The following CNTN2 variants were observed in gnomAD, a reference collection of about 807,000 sequenced individuals.
CNTN2 encodes the protein contactin 2.
Under a neutral mutation model 117.5 loss-of-function variants are expected in CNTN2, and 53 were observed. The ratio of observed to expected loss-of-function variants is 0.45; its 90% confidence interval spans 0.36 to 0.57. The LOEUF is 0.57. CNTN2 is among the 20% of genes least tolerant of loss of function. The pLI, the probability that CNTN2 is intolerant of heterozygous loss-of-function variation, is 0.00. For synonymous variants in CNTN2, 530 were observed against 561.7 expected (o/e 0.94, Z 0.80); for missense variants, 1,106 against 1,404.3 (o/e 0.79, Z 3.39).
intron 10 of CNTN2, among the ~76,000 whole-genome samples, 196 bp from the exon 11 acceptor site, chr1:205,064,126 A>AGGGGGGGGTGGGGGGGGGGGGG (rs11329962): frequency 1.1e-5 from 1 of 94,348 alleles, no homozygotes; most frequent in Non-Finnish European, 2.5e-5. Flanking sequence ...TGAGGGGCGG[A>AGGGGGGGGTGGGGGGGGGGGGG]GGGGGGGCGC....
In CNTN2 at chr1:205,048,273, A is replaced by G. The variant is rs2096445204; in HGVS notation, c.-86-4827A>G. 3.3e-5 allele frequency among the ~76,000 whole-genome samples: 5 copies of G among 152,086 alleles called. No individual in the cohort carries two copies. In the South Asian group the frequency reaches 1.0e-3, roughly 31 times the overall value. ...GGGAGAACTCTGGGGTGGAGGGTGT[A>G]CCTTTTATTTTTTGACTGGCTCCAT... On this transcript the variant is annotated intron_variant, in intron 1 of 22. Transcript: ENST00000331830. The surrounding 1 kb of genome is among the most constrained non-coding windows in gnomAD (Gnocchi z 4.1).
At chr1:205,044,799 A>T (rs991463502) in intron 1 of CNTN2, among the ~76,000 whole-genome samples, 3 of 152,188 alleles carry the variant, frequency 2.0e-5, no homozygotes, top group Admixed American at 6.5e-5. Flanking sequence ...GCACCTGGAC[A>T]GGGAGATGGC....
intron 1 of CNTN2, among the ~76,000 whole-genome samples, chr1:205,049,388 CACATATATACATAT>C (rs1243949355): frequency 6.6e-6 from 1 of 151,586 alleles, no homozygotes; most frequent in African/African-American, 2.4e-5. Flanking sequence ...CATACATATA[CACATATATACATAT>C]ACATATATGT....
In CNTN2 at chr1:205,043,278, AG is replaced by A. The variant is rs1215516374; in HGVS notation, c.-201del. The stretch of plus-strand genomic sequence containing the variant: ...GCCGCACCCGGACAGCGAGCGGCTG[AG>A]GCCGCCAGGGCCCAAAGGACAGCGG... On this transcript the variant is annotated 5_prime_UTR_variant, in exon 1 of 23. Coordinates refer to ENST00000331830, the MANE Select transcript of CNTN2 (RefSeq NM_005076.5). The A allele has an allele frequency of 6.6e-6, 1 of 152,614 alleles. No homozygotes were observed. Among genetic ancestry groups the A allele is most frequent in the Non-Finnish European group, 1.5e-5 (1 of 68,190 alleles). The allele number at this position is 152,614 out of a possible 1,614,324, so 9.5% of individuals were successfully genotyped here. A position where few individuals can be genotyped will look rare whatever the true frequency, so the allele number is the denominator to read the frequency against.
In CNTN2 at chr1:205,058,013, G is replaced by T; in HGVS notation, c.163G>T (p.Glu55Ter). Reference protein sequence around the residue: ...SVLFPEESTEEQVLLACRARA... With the variant: ...SVLFPEESTE ...GCTATTCCCAGAGGAGTCCACGGAG[G>T]AGCAGGTGTTGCTGGCATGCCGCGC... Residue 55 changes from glutamate (E) to a stop codon, truncating the protein, a stop_gained, in exon 3 of 23, where the codon GAG becomes TAG. Transcript: ENST00000331830. LOFTEE classifies it high-confidence loss of function. This position sits in a 1 kb window ranked among gnomAD's most constrained non-coding sequence, Gnocchi z 4.3. The T allele has an allele frequency of 1.9e-6, 3 of 1,614,098 alleles. No homozygotes were observed. Among genetic ancestry groups the T allele is most frequent in the Non-Finnish European group, 2.5e-6 (3 of 1,180,018 alleles).
chr1:205,065,378 C>A lies in CNTN2; in HGVS notation c.1695+116C>A. The A allele has an allele frequency of 9.3e-7, 1 of 1,069,802 alleles. No homozygotes were observed. The highest frequency in any genetic ancestry group is 1.4e-6 in the Non-Finnish European group (1 of 734,832). 66.3% of individuals were successfully genotyped at this position (1,069,802 alleles called of 1,614,324 possible). A position where few individuals can be genotyped will look rare whatever the true frequency, so the allele number is the denominator to read the frequency against. On this transcript the variant is annotated intron_variant, in intron 13 of 22. Coordinates refer to ENST00000331830, the MANE Select transcript of CNTN2 (RefSeq NM_005076.5). This position sits in a 1 kb window ranked among gnomAD's most constrained non-coding sequence, Gnocchi z 4.1. ...AACCCATAGCCTAAGCGCCCCCATTCCCTCAGGCCCACACATGGCAAGCTC... is the reference window on the plus strand; with the variant it reads ...AACCCATAGCCTAAGCGCCCCCATTACCTCAGGCCCACACATGGCAAGCTC...
chr1:205,050,985 A>G (rs1271548576), intron 1 of CNTN2, among the ~76,000 whole-genome samples: 1 of 152,182 alleles, frequency 6.6e-6, no homozygotes, highest in Non-Finnish European at 1.5e-5. Flanking sequence ...TATTAAATGG[A>G]GTTTCAACTT....
rs963768133 is a variant in CNTN2 at position 205,074,879 on chromosome 1, G to C, written c.*1114G>C. On this transcript the variant is annotated 3_prime_UTR_variant, in exon 23 of 23. Transcript: ENST00000331830. ...AGGTATACCTAGGACCACCTGGCCA[G>C]ATCCGCTCCCAGACGGCCTTGGACT... 2.5e-6 allele frequency: 1 copy of C among 398,548 alleles called. No homozygotes were observed. Among genetic ancestry groups the C allele is most frequent in the African/African-American group, 2.1e-5 (1 of 48,624 alleles). The allele number at this position is 398,548 out of a possible 1,614,324, so 24.7% of individuals were successfully genotyped here. A position where few individuals can be genotyped will look rare whatever the true frequency, so the allele number is the denominator to read the frequency against.
chr1:205,056,369 C>T (rs1025052597), intron 2 of CNTN2, among the ~76,000 whole-genome samples: 3 of 137,916 alleles, frequency 2.2e-5, no homozygotes, highest in African/African-American at 5.7e-5. Flanking sequence ...ACTTTCCAGC[C>T]GAGATGATGC....
In CNTN2 at chr1:205,053,111, G is replaced by T; in HGVS notation, c.-75G>T. 8.4e-7 allele frequency: 1 copy of T among 1,191,842 alleles called. No individual in the cohort carries two copies. Among genetic ancestry groups the T allele is most frequent in the Non-Finnish European group, 1.2e-6 (1 of 852,734 alleles). 73.8% of individuals were successfully genotyped at this position (1,191,842 alleles called of 1,614,324 possible). Reference sequence around the variant, plus strand: ...GTCTGCCTCCCCAGGTCCTTTCTCAGCCTCCAGCTGGGCTGTCCCCAAGCT... The same window carrying T: ...GTCTGCCTCCCCAGGTCCTTTCTCATCCTCCAGCTGGGCTGTCCCCAAGCT... On this transcript the variant is annotated 5_prime_UTR_variant, in exon 2 of 23. Coordinates refer to ENST00000331830, the MANE Select transcript of CNTN2 (RefSeq NM_005076.5).
At chr1:205,047,450 G>A (rs1048064544) in intron 1 of CNTN2, among the ~76,000 whole-genome samples, 3 of 152,126 alleles carry the variant, frequency 2.0e-5, no homozygotes, top group Non-Finnish European at 4.4e-5. Context: ...AAAGGAAAAG[G>A]TACTGATCTT....
At position 205,065,313 on chromosome 1, in the gene CNTN2, A is replaced by G; in HGVS notation, c.1695+51A>G. 1 of 1,598,592 alleles carries G rather than the reference A, an allele frequency of 6.3e-7. No homozygotes were observed. The highest frequency in any genetic ancestry group is 8.5e-7 in the Non-Finnish European group (1 of 1,170,228). Reference sequence around the variant, plus strand: ...GGCTTCTCCCTCCTTCTAGAGAGACAGGGGCCCCAAGATGTCCTTAGCCAT... The same window carrying G: ...GGCTTCTCCCTCCTTCTAGAGAGACGGGGGCCCCAAGATGTCCTTAGCCAT... On this transcript the variant is annotated intron_variant, in intron 13 of 22. Coordinates refer to ENST00000331830, the MANE Select transcript of CNTN2 (RefSeq NM_005076.5). The surrounding 1 kb of genome is among the most constrained non-coding windows in gnomAD (Gnocchi z 4.1).
rs953044222 is a variant in CNTN2 at position 205,058,980 on chromosome 1, G to T, written c.488-104G>T. The T allele has an allele frequency of 9.8e-7, 1 of 1,015,822 alleles. No individual in the cohort carries two copies. Among genetic ancestry groups the T allele is most frequent in the Non-Finnish European group, 1.5e-6 (1 of 667,748 alleles). The allele number at this position is 1,015,822 out of a possible 1,614,324, so 62.9% of individuals were successfully genotyped here. ...AGCCCCAGTTCAGAGCATGGTGGCT[G>T]TCAGGACAGGGCTTGCAGAACCGCA... On this transcript the variant is annotated intron_variant, in intron 5 of 22. Coordinates refer to ENST00000331830, the MANE Select transcript of CNTN2 (RefSeq NM_005076.5). The surrounding 1 kb of genome is among the most constrained non-coding windows in gnomAD (Gnocchi z 4.3).
intron 1 of CNTN2, among the ~76,000 whole-genome samples, chr1:205,050,468 A>G (rs781414827): frequency 5.3e-5 from 8 of 152,238 alleles, no homozygotes; most frequent in Non-Finnish European, 8.8e-5. Context: ...ATACACATTC[A>G]ATGGAAACCA....
chr1:205,056,154 G>T (rs926455621), intron 2 of CNTN2, among the ~76,000 whole-genome samples: 1 of 152,130 alleles, frequency 6.6e-6, no homozygotes, highest in Non-Finnish European at 1.5e-5. Flanking sequence ...AAGGTTTCTC[G>T]GGAAGAAAGA....
rs1654727837 is a variant in CNTN2 at position 205,073,853 on chromosome 1, C to T, written c.*88C>T. The T allele has an allele frequency of 9.2e-7, 1 of 1,088,510 alleles. No homozygotes were observed. 67.4% of individuals were successfully genotyped at this position (1,088,510 alleles called of 1,614,324 possible). On this transcript the variant is annotated 3_prime_UTR_variant, in exon 23 of 23. Transcript: ENST00000331830. The surrounding 1 kb of genome is among the most constrained non-coding windows in gnomAD (Gnocchi z 6.3). ...TTCCTGCTGCCAAGGTGGCCTGACA[C>T]TGTGCCAGAGAGTGGCTGGTTTTAA...
intron 15 of CNTN2, among the ~76,000 whole-genome samples, 178 bp from the exon 16 acceptor site, chr1:205,066,923 C>A (rs1400213063): frequency 1.3e-5 from 2 of 151,970 alleles, no homozygotes; most frequent in Non-Finnish European, 2.9e-5. Context: ...GCAGAGGCAC[C>A]AAGATAGGGA....
At position 205,070,043 on chromosome 1, in the gene CNTN2, G is replaced by A; in HGVS notation, c.2413G>A (p.Val805Met). Residue 805 changes from valine to methionine, a missense_variant, in exon 18 of 23, where the codon GTG becomes ATG. Physicochemically the swap from Val to Met is conservative, Grantham distance 21. Coordinates refer to ENST00000331830, the MANE Select transcript of CNTN2 (RefSeq NM_005076.5). ...TGGGCCCGAGAGCCTCACTGCACTC[G>A]TGTACTCAGCTGAGGAAGGTGGGCT... Reference protein sequence around the residue: ...GDGPESLTALVYSAEEEPRVA... With the variant: ...GDGPESLTALMYSAEEEPRVA... 1.2e-6 allele frequency: 2 copies of A among 1,613,728 alleles called. No homozygotes were observed. The highest frequency in any genetic ancestry group is 1.7e-6 in the Non-Finnish European group (2 of 1,180,016).
At chr1:205,050,641 G>A (rs1020178091) in intron 1 of CNTN2, among the ~76,000 whole-genome samples, 2 of 151,392 alleles carry the variant, frequency 1.3e-5, no homozygotes, top group Non-Finnish European at 2.9e-5. Flanking sequence ...TTTTTGAAAT[G>A]GAATTTTGCT....
Sources: gnomAD v4.1 joint callset for allele counts (sites outside exome capture counted in the v4.1 genomes callset) on GRCh38, gnomAD v4.1.1 for gene constraint, Gnocchi (gnomAD v3.1) non-coding constraint, MANE v1.5 for transcripts, NCBI Gene and HGNC (gene_info 2026-07-23, HGNC 2026-07-21) for gene names.